Variants in DNAH3 observed in about 807,000 individuals in gnomAD.
DNAH3 encodes axonemal beta dynein heavy chain 3.
A neutral mutation model predicts 432.5 loss-of-function variants in DNAH3; 332 were observed. The ratio of observed to expected loss-of-function variants is 0.77; its 90% CI spans 0.70 to 0.84. The LOEUF (loss-of-function observed/expected upper bound fraction) is 0.84. Among genes scored for constraint, DNAH3 ranks in the 40% least tolerant of loss-of-function variants. DNAH3 has a pLI of 0.00. For missense variants in DNAH3, 4,861 were observed against 5,114.0 expected, an observed-to-expected ratio of 0.95 and a Z score of 1.51; for synonymous variants, 1,956 against 1,900.2, an observed-to-expected ratio of 1.03 and a Z score of -0.76.
At chr16:21,074,010 T>C (rs1044650556) in intron 21 of DNAH3, among the ~76,000 whole-genome samples, 1 of 152,196 alleles carries the variant, frequency 6.6e-6, no homozygotes, top group Non-Finnish European at 1.5e-5. Context: ...TCACTTTCGA[T>C]GGTTCCAAAG....
rs369343080 is a variant in DNAH3, at chr16:21,054,654, C to T, written c.3925-120G>A. The T allele has an allele frequency of 1.5e-4, 103 of 682,468 alleles. 3 individuals are homozygous for T. The South Asian group carries it at 1.8e-3, about 12-fold the overall frequency. 42.3% of individuals were successfully genotyped at this position (682,468 alleles called of 1,614,324 possible). On this transcript the variant is annotated intron_variant, in intron 27 of 61. Transcript: ENST00000261383. ...CAAGCCAGACTCCTGGGTGTCATCC[C>T]TCAAGTCCAACTTTTCCTTACCCCA...
At chr16:21,000,106 A>C in intron 43 of DNAH3, 118 bp downstream of exon 43, 1 of 1,065,856 alleles carries the variant, frequency 9.4e-7, no homozygotes, top group Non-Finnish European at 1.3e-6. Context: ...AACTGGAAAT[A>C]TTTGATCTCC....
At chr16:20,954,448 C>G (rs1381528234) in intron 55 of DNAH3, among the ~76,000 whole-genome samples, 3 of 151,582 alleles carry the variant, frequency 2.0e-5, no homozygotes, top group African/African-American at 7.3e-5. Context: ...CACCACCACA[C>G]CCGGCTAATT....
rs1339387179 is a variant in DNAH3 at position 20,985,209 on chromosome 16, T to C, written c.7533A>G (p.Thr2511=). The change falls in exon 48 of 62, where the codon ACA becomes ACG. Residue 2511 remains threonine (T), a synonymous_variant. Coordinates refer to ENST00000261383, the Ensembl canonical transcript of DNAH3. ...CAGGGAAGATGTTAGGCACGTCACC[T>C]GTGTTCAGAAGCATGTTGATGTCCT... 3 of 1,614,102 alleles carry C rather than the reference T, an allele frequency of 1.9e-6. No homozygotes were observed. In the Admixed American group the frequency reaches 5.0e-5, roughly 27 times the overall value.
At chr16:21,153,360 A>C (rs1160872112) in intron 1 of DNAH3, among the ~76,000 whole-genome samples, 3 of 151,956 alleles carry the variant, frequency 2.0e-5, no homozygotes, top group African/African-American at 7.3e-5. Flanking sequence ...GGGGCCTTGG[A>C]GAACCTTTGT....
intron 20 of DNAH3, among the ~76,000 whole-genome samples, chr16:21,075,914 CAAAAAAAAAAAA>C (rs34186982): frequency 7.6e-5 from 4 of 52,682 alleles, no homozygotes; most frequent in East Asian, 6.3e-4. Context: ...AACCCTGTCT[CAAAAAAAAAAAA>C]AAAAAAAAAA....
In DNAH3 at chr16:20,944,485, A is replaced by G; in HGVS notation, c.11511+11T>C. On this transcript the variant is annotated intron_variant, in intron 58 of 61. Coordinates refer to ENST00000261383, the Ensembl canonical transcript of DNAH3. ...AAATAGGATTAAGCCCCCTTTCCCG[A>G]GCCCAGTTACCTGAGGGGACTTGCC... is the stretch of plus-strand genomic sequence containing the variant. 6.2e-7 allele frequency: 1 copy of G among 1,613,862 alleles called. No homozygotes were observed. Among genetic ancestry groups the G allele is most frequent in the Non-Finnish European group, 8.5e-7 (1 of 1,179,840 alleles).
At chr16:21,033,556 G>A (rs553418684) in intron 36 of DNAH3, among the ~76,000 whole-genome samples, 136 of 151,946 alleles carry the variant, frequency 9.0e-4, no homozygotes, top group African/African-American at 3.1e-3. Context: ...TTAAAAGGAA[G>A]GAAAGAAGAA....
Position 21,146,091 on chromosome 16 carries a change from G to A in DNAH3, c.118-3C>T. 6.2e-7 allele frequency: 1 copy of A among 1,605,144 alleles called. No homozygotes were observed. The highest frequency in any genetic ancestry group is 8.5e-7 in the Non-Finnish European group (1 of 1,171,994). On this transcript the variant is annotated splice_polypyrimidine_tract_variant and splice_region_variant and intron_variant, in intron 1 of 61. Transcript: ENST00000261383. ...TGTATGGAGTCACTTTTGGCGATCT[G>A]TGGGACATGGGAACAAAGTCACCCT...
chr16:21,069,358 T>A, intron 23 of DNAH3, 57 bp downstream of exon 23: 1 of 1,492,642 alleles, frequency 6.7e-7, no homozygotes. Flanking sequence ...CTAGAATGCA[T>A]AATGAGGAAA....
chr16:21,027,071 G>A lies in DNAH3; in HGVS notation c.5496C>T (p.Phe1832=), dbSNP rs1393878746. The change falls in exon 38 of 62, where the codon TTC becomes TTT. Residue 1832 remains phenylalanine, a synonymous_variant. Transcript: ENST00000261383. Reference sequence around the variant, plus strand: ...AGGCTTGCTCGAGGTCGGCGGGCTCGAAGATCAGGCTCATCTTGGAGTTCA... The same window carrying A: ...AGGCTTGCTCGAGGTCGGCGGGCTCAAAGATCAGGCTCATCTTGGAGTTCA... 1.2e-5 allele frequency: 20 copies of A among 1,613,660 alleles called. No homozygotes were observed. The highest frequency in any genetic ancestry group is 5.0e-5 in the Admixed American group (3 of 59,980).
At position 21,145,956 on chromosome 16, in the gene DNAH3, A is replaced by T. The variant is rs748794902; in HGVS notation, c.222+28T>A. 3 of 1,449,600 alleles carry T rather than the reference A, an allele frequency of 2.1e-6. No individual in the cohort carries two copies. The East Asian group carries it at 6.8e-5, about 33-fold the overall frequency. The allele number at this position is 1,449,600 out of a possible 1,614,324, so 89.8% of individuals were successfully genotyped here. A position where few individuals can be genotyped will look rare whatever the true frequency, so the allele number is the denominator to read the frequency against. ...TGCACTTCACCTCCTCACCCTCAAC[A>T]GAAGAGCTGGCAGCCAGGTGTGCAT... is the stretch of plus-strand genomic sequence containing the variant. On this transcript the variant is annotated intron_variant, in intron 2 of 61. Transcript: ENST00000261383.
chr16:21,104,406 G>C, intron 16 of DNAH3, 65 bp downstream of exon 16: 2 of 1,432,814 alleles, frequency 1.4e-6, no homozygotes, highest in Non-Finnish European at 2.0e-6. Flanking sequence ...ACAGAACCAG[G>C]AACCTGCAGC....
At chr16:21,145,036 C>T (rs1030590061) in intron 3 of DNAH3, 145 bp downstream of exon 4, 111 of 659,010 alleles carry the variant, frequency 1.7e-4, no homozygotes, top group African/African-American at 1.3e-3. Context: ...CACTTGAATC[C>T]GGGAGGCGGA....
At chr16:21,075,585 C>T in intron 20 of DNAH3, 24 bp from the exon 21 acceptor site, 1 of 1,545,924 alleles carries the variant, frequency 6.5e-7, no homozygotes, top group East Asian at 2.2e-5. Context: ...ACAGCAACAG[C>T]AACATCAACA....
At chr16:21,056,905 A>G (rs1382732309) in intron 27 of DNAH3, among the ~76,000 whole-genome samples, 1 of 152,242 alleles carries the variant, frequency 6.6e-6, no homozygotes, top group Non-Finnish European at 1.5e-5. Flanking sequence ...GTACAGTGCA[A>G]TATGTCTATT....
intron 8 of DNAH3, among the ~76,000 whole-genome samples, 153 bp from the exon 10 acceptor site, chr16:21,125,523 C>G (rs1018871623): frequency 4.6e-5 from 7 of 152,200 alleles, no homozygotes; most frequent in Non-Finnish European, 1.0e-4. Flanking sequence ...AGCCACCTTA[C>G]CTGCCATGCC....
chr16:20,936,129 T>C (rs2083579766), intron 60 of DNAH3, among the ~76,000 whole-genome samples: 1 of 151,898 alleles, frequency 6.6e-6, no homozygotes, highest in Non-Finnish European at 1.5e-5. Context: ...ATTGTCCAAA[T>C]CTATCTCATG....
At chr16:21,058,527 T>G (rs1205907050) in intron 26 of DNAH3, among the ~76,000 whole-genome samples, 1 of 152,214 alleles carries the variant, frequency 6.6e-6, no homozygotes, top group African/African-American at 2.4e-5. Context: ...AATATTGCAG[T>G]GCTGAGTCAC....
Sources: allele counts gnomAD v4.1 joint callset (sites outside exome capture counted in the v4.1 genomes callset), GRCh38; gene constraint gnomAD v4.1.1; transcripts MANE v1.5; gene names NCBI Gene and HGNC (gene_info 2026-07-23, HGNC 2026-07-21).